The following MYO10 variants were observed in gnomAD, a reference collection of about 807,000 sequenced individuals.
MYO10 encodes the protein myosin X.
A neutral mutation model predicts 257.3 loss-of-function variants in MYO10; 133 were observed. That is an observed-to-expected ratio of 0.52 (90% confidence interval 0.45 to 0.60). MYO10 has a LOEUF of 0.60. Ranked by LOEUF, MYO10 falls within the 20% of genes least tolerant of loss-of-function variation. The probability of loss-of-function intolerance (pLI) is 0.00; values close to 1 mark genes in which losing one functional copy is unlikely to be tolerated. For synonymous variants in MYO10, 1,104 were observed against 1,028.6 expected (o/e 1.07, Z -1.40); for missense variants, 2,399 against 2,635.7 (o/e 0.91, Z 1.97).
intron 4 of MYO10, among the ~76,000 whole-genome samples, chr5:16,793,657 C>T (rs890234554): frequency 2.0e-5 from 3 of 151,426 alleles, no homozygotes; most frequent in Non-Finnish European, 4.4e-5. Context: ...TCGCCGGGAG[C>T]GGTGGCTCAC....
At chr5:16,703,662 C>T (rs1738192412) in intron 22 of MYO10, among the ~76,000 whole-genome samples, 1 of 152,020 alleles carries the variant, frequency 6.6e-6, no homozygotes, top group Admixed American at 6.6e-5. Flanking sequence ...GCGGATGGAT[C>T]ACGAAGGTCA....
At chr5:16,842,405 G>A (rs534450181) in intron 2 of MYO10, among the ~76,000 whole-genome samples, 7 of 152,244 alleles carry the variant, frequency 4.6e-5, no homozygotes, top group South Asian at 4.1e-4. Flanking sequence ...CAATCAAAGC[G>A]TAGGGGCTCC....
At chr5:16,696,300 G>A (rs1338553635) in intron 26 of MYO10, among the ~76,000 whole-genome samples, 2 of 152,076 alleles carry the variant, frequency 1.3e-5, no homozygotes, top group African/African-American at 2.4e-5. Context: ...TCTTTAGTAG[G>A]TTATTTGGTT....
chr5:16,865,184 T>C (rs1208082058), intron 2 of MYO10, among the ~76,000 whole-genome samples: 1 of 152,064 alleles, frequency 6.6e-6, no homozygotes, highest in Non-Finnish European at 1.5e-5. Context: ...AAACTATACA[T>C]CGGATTTTAA....
At position 16,700,954 on chromosome 5, in the gene MYO10, G is replaced by T; in HGVS notation, c.3432+9C>A. 6.5e-7 allele frequency: 1 copy of T among 1,543,020 alleles called. No individual in the cohort carries two copies. The highest frequency in any genetic ancestry group is 1.2e-5 in the South Asian group (1 of 82,878). ...CCATTTCACTGGGACACGCCAGGCA[G>T]GTACTTACCGAGGACTGCGCCCCCT... is the stretch of plus-strand genomic sequence containing the variant. On this transcript the variant is annotated intron_variant, in intron 25 of 40. Coordinates refer to ENST00000513610, the MANE Select transcript of MYO10 (RefSeq NM_012334.3).
At chr5:16,713,680 AC>A (rs1185361403) in intron 19 of MYO10, among the ~76,000 whole-genome samples, 2 of 151,980 alleles carry the variant, frequency 1.3e-5, no homozygotes, top group African/African-American at 2.4e-5. Flanking sequence ...CGGGCAACCC[AC>A]CCTGCGATCA....
chr5:16,859,043 C>A, intron 2 of MYO10, among the ~76,000 whole-genome samples: 1 of 152,262 alleles, frequency 6.6e-6, no homozygotes, highest in South Asian at 2.1e-4. Context: ...GGGATTTACC[C>A]GCCTGCTCTT....
At chr5:16,722,785 A>C (rs887484415) in intron 19 of MYO10, among the ~76,000 whole-genome samples, 1 of 152,230 alleles carries the variant, frequency 6.6e-6, no homozygotes, top group Non-Finnish European at 1.5e-5. Context: ...GATAACTTTG[A>C]TACAACAACA....
At chr5:16,730,991 G>A in intron 19 of MYO10, among the ~76,000 whole-genome samples, 1 of 151,858 alleles carries the variant, frequency 6.6e-6, no homozygotes, top group East Asian at 1.9e-4. Context: ...TGAAGAGCAG[G>A]GAGGCCACCT....
chr5:16,876,675 C>G (rs1050985355), intron 2 of MYO10, among the ~76,000 whole-genome samples: 2 of 152,240 alleles, frequency 1.3e-5, no homozygotes, highest in Non-Finnish European at 2.9e-5. Context: ...CTGCCTCAGC[C>G]CCCCAATTAG....
At chr5:16,709,338 C>T (rs973607682) in intron 21 of MYO10, among the ~76,000 whole-genome samples, 2 of 152,312 alleles carry the variant, frequency 1.3e-5, no homozygotes, top group Non-Finnish European at 2.9e-5. Context: ...GGTTACAACC[C>T]TCTTTAATCT....
At chr5:16,876,318 T>C (rs1437865202) in intron 2 of MYO10, among the ~76,000 whole-genome samples, 2 of 152,046 alleles carry the variant, frequency 1.3e-5, no homozygotes, top group Non-Finnish European at 2.9e-5. Context: ...AGCAAACCAG[T>C]TTTTGGATTT....
rs558550745 is a variant in MYO10 at position 16,699,153 on chromosome 5, G to A, written c.3556+297C>T. Reference sequence around the variant, plus strand: ...AGACAGGGGAGAAGGACTGATACTGGAGGCAGTGGTTGCAAATGCTTCGTC... The same window carrying A: ...AGACAGGGGAGAAGGACTGATACTGAAGGCAGTGGTTGCAAATGCTTCGTC... On this transcript the variant is annotated intron_variant, in intron 26 of 40. Coordinates refer to ENST00000513610, the MANE Select transcript of MYO10 (RefSeq NM_012334.3). 5.3e-5 allele frequency among the ~76,000 whole-genome samples: 8 copies of A among 152,234 alleles called. No individual in the cohort carries two copies. The East Asian group carries it at 1.4e-3, about 26-fold the overall frequency.
chr5:16,856,884 A>G (rs1382894060), intron 2 of MYO10, among the ~76,000 whole-genome samples: 1 of 152,190 alleles, frequency 6.6e-6, no homozygotes, highest in East Asian at 1.9e-4. Flanking sequence ...GGCATGGACA[A>G]TGGGATAAAA....
intron 1 of MYO10, among the ~76,000 whole-genome samples, chr5:16,883,420 A>G (rs1744813043): frequency 1.3e-5 from 2 of 152,208 alleles, no homozygotes; most frequent in Non-Finnish European, 2.9e-5. Flanking sequence ...CTCCAGTAAC[A>G]TAGACTAGAG....
At chr5:16,881,716 AC>A (rs1190641369) in intron 1 of MYO10, among the ~76,000 whole-genome samples, 1 of 152,162 alleles carries the variant, frequency 6.6e-6, no homozygotes, top group Non-Finnish European at 1.5e-5. Context: ...TTTCTCTGAG[AC>A]CCCAATCTTT....
intron 19 of MYO10, among the ~76,000 whole-genome samples, chr5:16,737,473 T>C (rs1739850174): frequency 6.6e-6 from 1 of 152,126 alleles, no homozygotes; most frequent in Non-Finnish European, 1.5e-5. Context: ...GGAAACAAAA[T>C]AGACATTTAA....
At chr5:16,794,537 G>A (rs1741872016) in intron 4 of MYO10, 109 bp downstream of exon 4, 3 of 1,047,812 alleles carry the variant, frequency 2.9e-6, no homozygotes, top group East Asian at 6.0e-5. Flanking sequence ...AGAAACTCAG[G>A]CGGTTGTAAA....
chr5:16,758,320 A>G, intron 17 of MYO10, 94 bp from the exon 18 acceptor site: 1 of 865,066 alleles, frequency 1.2e-6, no homozygotes, highest in Admixed American at 1.8e-5. Flanking sequence ...CTCAATGATA[A>G]TTCAAAGTAA....
Sources: allele counts gnomAD v4.1 joint callset (sites outside exome capture counted in the v4.1 genomes callset), GRCh38; gene constraint gnomAD v4.1.1; transcripts MANE v1.5; gene names NCBI Gene and HGNC (gene_info 2026-07-23, HGNC 2026-07-21).